Variants in NTM observed in about 807,000 individuals in gnomAD.
NTM encodes neurotrimin.
In NTM, 13 loss-of-function variants were observed where a neutral mutation model predicts 42.1. The ratio of observed to expected loss-of-function variants is 0.31; its 90% confidence interval spans 0.20 to 0.49. NTM has a LOEUF of 0.49. Ranked by LOEUF, NTM falls within the 20% of genes least tolerant of loss-of-function variation. The probability of loss-of-function intolerance (pLI) is 0.99; values close to 1 mark genes in which losing one functional copy is unlikely to be tolerated. For missense variants in NTM, 373 were observed against 452.8 expected (o/e 0.82, Z 1.60); for synonymous variants, 187 against 179.2 (o/e 1.04, Z -0.35).
chr11:131,951,816 C>T (rs112243075), intron 2 of NTM, among the ~76,000 whole-genome samples: 22,522 of 113,428 alleles, frequency 0.2, 2,004 homozygotes, highest in South Asian at 0.31. Context: ...AGCAAGACTC[C>T]GTCTCAAAAA....
rs532364819 is a variant in NTM, at chr11:131,848,602, G to C, written c.83-62962G>C. Among the ~76,000 whole-genome samples the C allele has an allele frequency of 2.0e-5, 3 of 152,254 alleles. No individual in the cohort carries two copies. In the South Asian group the frequency reaches 6.2e-4, roughly 32 times the overall value. On this transcript the variant is annotated intron_variant, in intron 1 of 8. Transcript: ENST00000683400. Reference sequence around the variant, plus strand: ...AGAGGTCCACTTCCCTTTGACCTTTGATGATGGCATTAAAGTGCATGCTCA... The same window carrying C: ...AGAGGTCCACTTCCCTTTGACCTTTCATGATGGCATTAAAGTGCATGCTCA...
chr11:131,660,901 TG>T, intron 1 of NTM: 4 of 1,289,148 alleles, frequency 3.1e-6, no homozygotes, highest in Non-Finnish European at 4.1e-6. Flanking sequence ...ATGTGATGCA[TG>T]GCTTTCTCTT....
intron 3 of NTM, among the ~76,000 whole-genome samples, chr11:132,193,940 C>T (rs187873152): frequency 1.3e-5 from 2 of 152,170 alleles, no homozygotes; most frequent in Admixed American, 1.3e-4. Flanking sequence ...CCTGAACAGA[C>T]CAATAATGAG....
At chr11:131,686,671 C>T (rs934321369) in intron 1 of NTM, among the ~76,000 whole-genome samples, 8 of 152,170 alleles carry the variant, frequency 5.3e-5, no homozygotes, top group Admixed American at 1.3e-4. Context: ...TCATGTTGTT[C>T]AAGGGTCAAC....
chr11:131,747,718 T>C (rs10894434), intron 1 of NTM, among the ~76,000 whole-genome samples: 61,465 of 152,072 alleles, frequency 0.4, 12,448 homozygotes, highest in Middle Eastern at 0.46. Flanking sequence ...TGTCTGCCAC[T>C]GCCAGTCCTG....
chr11:131,608,590 G>T (rs2061200052), intron 1 of NTM, among the ~76,000 whole-genome samples: 2 of 152,200 alleles, frequency 1.3e-5, no homozygotes, highest in East Asian at 1.9e-4. Flanking sequence ...AATCAGATGT[G>T]CATGAAGCCA....
In NTM at chr11:132,335,473, A is replaced by G; in HGVS notation, c.*327A>G. The G allele has an allele frequency of 3.4e-6, 1 of 296,912 alleles. No homozygotes were observed. The highest frequency in any genetic ancestry group is 3.3e-5 in the South Asian group (1 of 29,990). The allele number at this position is 296,912 out of a possible 1,614,324, so 18.4% of individuals were successfully genotyped here. A position where few individuals can be genotyped will look rare whatever the true frequency, so the allele number is the denominator to read the frequency against. On this transcript the variant is annotated 3_prime_UTR_variant, in exon 9 of 9. Coordinates refer to ENST00000683400, the MANE Select transcript of NTM (RefSeq NM_001352005.2). ...TTGGTGCCAGTGTGGGCAAGGGCTC[A>G]GCCTCTCTGCCCACAGAGTGCCCCC...
chr11:132,061,582 G>A (rs182764921), intron 2 of NTM, among the ~76,000 whole-genome samples: 18 of 152,324 alleles, frequency 1.2e-4, no homozygotes, highest in African/African-American at 3.6e-4. Context: ...ACCGGAGAGG[G>A]ATAATGCATG....
At chr11:131,472,687 A>T (rs940127063) in intron 1 of NTM, among the ~76,000 whole-genome samples, 2 of 152,208 alleles carry the variant, frequency 1.3e-5, no homozygotes, top group Admixed American at 1.3e-4. Flanking sequence ...AGTGTAAAAA[A>T]GCTGATGGGT....
rs536373938 is a variant in NTM at position 131,681,196 on chromosome 11, TGTGA to T, written c.83-230364_83-230361del. On this transcript the variant is annotated intron_variant, in intron 1 of 8. Coordinates refer to ENST00000683400, the MANE Select transcript of NTM (RefSeq NM_001352005.2). ...CTGTGTCTGTATGTCTCCCTGTGTATGTGAGTGTGTGTTTCTGTGTCTGTGTGTA... is the reference window on the plus strand; with the variant it reads ...CTGTGTCTGTATGTCTCCCTGTGTATGTGTGTGTTTCTGTGTCTGTGTGTA... 5.7e-3 allele frequency among the ~76,000 whole-genome samples: 340 copies of T among 60,054 alleles called. 85 individuals carry two copies. The highest frequency in any genetic ancestry group is 0.014 in the African/African-American group (313 of 22,224). 39.4% of individuals were successfully genotyped at this position (60,054 alleles called of 152,430 possible). A position where few individuals can be genotyped will look rare whatever the true frequency, so the allele number is the denominator to read the frequency against.
At chr11:131,408,057 T>C (rs1046257018) in intron 1 of NTM, among the ~76,000 whole-genome samples, 1 of 152,230 alleles carries the variant, frequency 6.6e-6, no homozygotes, top group African/African-American at 2.4e-5. Context: ...GGGAAGTGTT[T>C]AGGATTAATG....
At chr11:131,683,968 G>A (rs926752814) in intron 1 of NTM, among the ~76,000 whole-genome samples, 1 of 152,192 alleles carries the variant, frequency 6.6e-6, no homozygotes, top group Non-Finnish European at 1.5e-5. Flanking sequence ...GTGGCAAGAG[G>A]TTATTGGGAC....
intron 1 of NTM, among the ~76,000 whole-genome samples, chr11:131,576,938 T>C (rs539437903): frequency 2.6e-4 from 39 of 152,348 alleles, no homozygotes; most frequent in Middle Eastern, 3.4e-3. Context: ...TCTTTGCAAA[T>C]GTTTAGCACT....
chr11:132,279,683 C>T (rs946162974), intron 4 of NTM, among the ~76,000 whole-genome samples: 10 of 152,150 alleles, frequency 6.6e-5, no homozygotes, highest in African/African-American at 2.2e-4. Context: ...TTAAAAATCT[C>T]AGCTTAAGTG....
chr11:131,392,904 A>G (rs774487377), intron 1 of NTM, among the ~76,000 whole-genome samples: 6 of 152,148 alleles, frequency 3.9e-5, no homozygotes, highest in Non-Finnish European at 8.8e-5. Context: ...CTGCAGGGCA[A>G]TATGGGGTGG....
chr11:131,695,570 C>A (rs971725470), intron 1 of NTM, among the ~76,000 whole-genome samples: 35 of 152,252 alleles, frequency 2.3e-4, no homozygotes, highest in African/African-American at 7.9e-4. Context: ...ACCCAACAAA[C>A]CTTGTCAGTC....
intron 4 of NTM, among the ~76,000 whole-genome samples, chr11:132,221,229 A>G (rs954406201): frequency 6.6e-6 from 1 of 152,212 alleles, no homozygotes; most frequent in African/African-American, 2.4e-5. Context: ...GTATCATTCA[A>G]TCATAACAAT....
intron 1 of NTM, among the ~76,000 whole-genome samples, chr11:131,459,580 AC>A (rs771373236): frequency 1.8e-4 from 27 of 152,254 alleles, no homozygotes; most frequent in Non-Finnish European, 3.4e-4. Flanking sequence ...GCATTGATTC[AC>A]TATGAGTAAG....
intron 1 of NTM, among the ~76,000 whole-genome samples, chr11:131,733,787 C>T (rs1021150762): frequency 1.3e-5 from 2 of 152,116 alleles, no homozygotes; most frequent in African/African-American, 4.8e-5. Flanking sequence ...ATCCACCTGC[C>T]TCGGCCTTCC....
Sources: allele counts gnomAD v4.1 joint callset (sites outside exome capture counted in the v4.1 genomes callset), GRCh38; gene constraint gnomAD v4.1.1; transcripts MANE v1.5; gene names NCBI Gene and HGNC (gene_info 2026-07-23, HGNC 2026-07-21).